NAALADL2: variants seen among roughly 807,000 people sequenced by gnomAD.
NAALADL2 encodes the protein inactive N-acetylated-alpha-linked acidic dipeptidase-like protein 2.
In NAALADL2, 76 loss-of-function variants were observed where a neutral mutation model predicts 87.2. The observed-to-expected ratio is 0.87, with a 90% CI of 0.72 to 1.05. NAALADL2 has a LOEUF of 1.05. Among genes scored for constraint, NAALADL2 ranks in the 50% least tolerant of loss-of-function variants. The probability of loss-of-function intolerance (pLI) is 0.00; values close to 1 mark genes in which losing one functional copy is unlikely to be tolerated. For missense variants in NAALADL2, 1,089 were observed against 945.8 expected, an observed-to-expected ratio of 1.15 and a Z score of -1.99; for synonymous variants, 354 against 331.0, an observed-to-expected ratio of 1.07 and a Z score of -0.75.
At chr3:175,703,466 G>A (rs922440922) in intron 11 of NAALADL2, among the ~76,000 whole-genome samples, 1 of 152,118 alleles carries the variant, frequency 6.6e-6, no homozygotes, top group African/African-American at 2.4e-5. Context: ...AAGTTGGCCG[G>A]GCATGGTGGC....
chr3:175,408,126 A>G (rs940568330), intron 5 of NAALADL2, among the ~76,000 whole-genome samples: 1 of 152,134 alleles, frequency 6.6e-6, no homozygotes, highest in African/African-American at 2.4e-5. Flanking sequence ...GGGAAAGGGG[A>G]AGGAATGAGA....
chr3:175,338,658 CACACAA>C (rs1418218316), intron 5 of NAALADL2, among the ~76,000 whole-genome samples: 33 of 105,584 alleles, frequency 3.1e-4, no homozygotes, highest in Non-Finnish European at 5.8e-4. Flanking sequence ...CACACACACA[CACACAA>C]ACAAACAAAA....
At chr3:175,615,479 T>C (rs1350952693) in intron 10 of NAALADL2, among the ~76,000 whole-genome samples, 1 of 152,198 alleles carries the variant, frequency 6.6e-6, no homozygotes, top group Non-Finnish European at 1.5e-5. Flanking sequence ...ATCCATTTTA[T>C]AGATGAGAAA....
intron 1 of NAALADL2, among the ~76,000 whole-genome samples, chr3:175,087,235 G>A (rs1719142291): frequency 6.6e-6 from 1 of 152,090 alleles, no homozygotes; most frequent in Admixed American, 6.6e-5. Flanking sequence ...CTTTGAGGAA[G>A]GTGGGGGGCA....
chr3:174,496,509 A>G (rs113754198), intron 1 of NAALADL2, among the ~76,000 whole-genome samples: 2,004 of 77,788 alleles, frequency 0.026, 36 homozygotes, highest in African/African-American at 0.088. Flanking sequence ...ATATTTATAT[A>G]TTATATATAT....
chr3:175,060,504 G>C (rs563713949), intron 1 of NAALADL2, among the ~76,000 whole-genome samples: 1 of 152,276 alleles, frequency 6.6e-6, no homozygotes, highest in Admixed American at 6.5e-5. Context: ...TAATGCTTTT[G>C]CTCTGGATAG....
At chr3:174,479,365 G>T (rs957419199) in intron 1 of NAALADL2, among the ~76,000 whole-genome samples, 1 of 152,108 alleles carries the variant, frequency 6.6e-6, no homozygotes, top group Non-Finnish European at 1.5e-5. Flanking sequence ...CTAAAATAGG[G>T]TTATAAGAGA....
At position 175,233,986 on chromosome 3, in the gene NAALADL2, A is replaced by G. The variant is rs373317463; in HGVS notation, c.601A>G (p.Lys201Glu). Residue 201 changes from lysine to glutamate, a missense_variant, in exon 3 of 14, where the codon AAG becomes GAG. By Grantham distance (56) the Lys-to-Glu change is moderately conservative (BLOSUM62 1). Coordinates refer to ENST00000454872, the MANE Select transcript of NAALADL2 (RefSeq NM_207015.3). ...TGACATGGAAATTTCAAAGAAGATTAAGACTCAGTGGACCTCTTTGGGCCT... is the reference window on the plus strand; with the variant it reads ...TGACATGGAAATTTCAAAGAAGATTGAGACTCAGTGGACCTCTTTGGGCCT... ...EDDMEISKKI[K>E]TQWTSLGLED... 17 of 1,608,254 alleles carry G rather than the reference A, an allele frequency of 1.1e-5. No homozygotes were observed. Among genetic ancestry groups the G allele is most frequent in the Non-Finnish European group, 1.4e-5 (16 of 1,174,956 alleles).
chr3:175,713,495 G>C (rs1419706577), intron 11 of NAALADL2, among the ~76,000 whole-genome samples: 1 of 152,034 alleles, frequency 6.6e-6, no homozygotes. Flanking sequence ...TGTGTCTGGG[G>C]AATTGGCTGC....
chr3:174,838,022 AAAAAAAAAAAAAAAG>A (rs1320193222), intron 3 of NAALADL2, among the ~76,000 whole-genome samples: 79 of 98,180 alleles, frequency 8.0e-4, no homozygotes, highest in Non-Finnish European at 1.4e-3. Flanking sequence ...ACCAAAAAAG[AAAAAAAAAAAAAAAG>A]AAAAAAAAAA....
chr3:175,080,070 A>G (rs1429558013), intron 1 of NAALADL2, among the ~76,000 whole-genome samples: 2 of 151,262 alleles, frequency 1.3e-5, no homozygotes, highest in Non-Finnish European at 2.9e-5. Context: ...GGTTCACGCC[A>G]TTCTCCTGCC....
At chr3:174,821,115 C>T (rs942360693) in intron 3 of NAALADL2, among the ~76,000 whole-genome samples, 1 of 152,134 alleles carries the variant, frequency 6.6e-6, no homozygotes. Flanking sequence ...CTCCACTCCC[C>T]TATGGGGACT....
chr3:175,401,541 G>A (rs111923544), intron 5 of NAALADL2, among the ~76,000 whole-genome samples: 60 of 152,166 alleles, frequency 3.9e-4, no homozygotes, highest in Middle Eastern at 3.4e-3. Context: ...CACAAACCCA[G>A]ATTATATAGC....
At chr3:175,796,577 C>A (rs1049530877) in intron 13 of NAALADL2, among the ~76,000 whole-genome samples, 1 of 151,878 alleles carries the variant, frequency 6.6e-6, no homozygotes, top group Middle Eastern at 3.2e-3. Context: ...GTAAAATAAT[C>A]TCCTCTAATG....
chr3:175,792,515 C>T (rs1185375716), intron 13 of NAALADL2, among the ~76,000 whole-genome samples: 1 of 152,092 alleles, frequency 6.6e-6, no homozygotes, highest in Non-Finnish European at 1.5e-5. Context: ...TCAAGAGAAA[C>T]CATGCATTTT....
intron 1 of NAALADL2, among the ~76,000 whole-genome samples, chr3:174,535,543 A>T (rs1229756995): frequency 6.6e-6 from 1 of 152,140 alleles, no homozygotes; most frequent in Non-Finnish European, 1.5e-5. Context: ...ACAATTTGCT[A>T]TGAACCGGGA....
At chr3:175,011,651 T>A (rs1749841410) in intron 1 of NAALADL2, among the ~76,000 whole-genome samples, 1 of 152,128 alleles carries the variant, frequency 6.6e-6, no homozygotes, top group South Asian at 2.1e-4. Context: ...TCTCTTTGGC[T>A]TTTTGAGGTC....
At chr3:174,731,405 C>G (rs1732692119) in intron 2 of NAALADL2, among the ~76,000 whole-genome samples, 1 of 152,124 alleles carries the variant, frequency 6.6e-6, no homozygotes, top group African/African-American at 2.4e-5. Context: ...ACTAAAAGTG[C>G]TATAGCAATT....
chr3:175,605,764 A>G (rs1723653298), intron 10 of NAALADL2, among the ~76,000 whole-genome samples: 1 of 151,768 alleles, frequency 6.6e-6, no homozygotes, highest in East Asian at 1.9e-4. Flanking sequence ...ATTTTACAGC[A>G]CAGACTCCTG....
Sources: allele counts gnomAD v4.1 joint callset (sites outside exome capture counted in the v4.1 genomes callset), GRCh38; gene constraint gnomAD v4.1.1; transcripts MANE v1.5; gene names NCBI Gene and HGNC (gene_info 2026-07-23, HGNC 2026-07-21).